Variants in FYB2 observed in about 807,000 individuals in gnomAD.
The protein encoded by FYB2 is FYN-binding protein 2.
A neutral mutation model predicts 94.1 loss-of-function variants in FYB2; 103 were observed. The ratio of observed to expected loss-of-function variants is 1.09; its 90% confidence interval spans 0.93 to 1.29. The LOEUF (loss-of-function observed/expected upper bound fraction) is 1.29, where lower values mean the gene tolerates loss of function less well. FYB2 is among the 50% of genes most tolerant of loss of function. FYB2 has a pLI of 0.00. For synonymous variants in FYB2, 293 were observed against 287.9 expected (o/e 1.02, Z -0.18); for missense variants, 896 against 841.5 (o/e 1.06, Z -0.80).
At chr1:56,822,509 C>A (rs1191385208), upstream of FYB2, among the ~76,000 whole-genome samples, 1 of 152,212 alleles carries the variant, frequency 6.6e-6, no homozygotes, top group Admixed American at 6.5e-5. Flanking sequence ...TGCTCCTCTG[C>A]GTAGCAGGGA....
intron 4 of FYB2, among the ~76,000 whole-genome samples, chr1:56,768,425 C>T (rs372120421): frequency 1.3e-5 from 2 of 152,174 alleles, no homozygotes; most frequent in Non-Finnish European, 2.9e-5. Context: ...GAGTACTAAA[C>T]GTATCCGTCC....
intron 4 of FYB2, among the ~76,000 whole-genome samples, chr1:56,772,367 T>G (rs1205107967): frequency 6.6e-6 from 1 of 152,162 alleles, no homozygotes; most frequent in African/African-American, 2.4e-5. Flanking sequence ...GTGCTGGGAT[T>G]ATTGTTAAGA....
chr1:56,792,649 A>G lies in FYB2; in HGVS notation c.164T>C (p.Leu55Pro). 6.2e-7 allele frequency: 1 copy of G among 1,614,022 alleles called. No homozygotes were observed. Among genetic ancestry groups the G allele is most frequent in the South Asian group, 1.1e-5 (1 of 91,074 alleles). ...STQILANGKP[L>P]SSNHKQRTPY... ...TGTGCGCTGCTTGTGGTTGGATGAG[A>G]GGGGTTTCCCATTGGCCAAAATTTG... Residue 55 changes from leucine to proline, a missense_variant, in exon 2 of 20, where the codon CTC becomes CCC. By Grantham distance (98) the Leu-to-Pro change is moderately conservative. Coordinates refer to ENST00000343433, the MANE Select transcript of FYB2 (RefSeq NM_001004303.5).
rs1482534162 is a variant in FYB2 at position 56,720,166 on chromosome 1, A to T, written c.2131+7T>A. 1 of 1,601,418 alleles carries T rather than the reference A, an allele frequency of 6.2e-7. No individual in the cohort carries two copies. Among genetic ancestry groups the T allele is most frequent in the African/African-American group, 1.3e-5 (1 of 74,276 alleles). ...AAATATTATGAAAGATAAGCAAATA[A>T]ACTTACATTTGCCTTTAGAATTACG... On this transcript the variant is annotated splice_region_variant and intron_variant, in intron 18 of 19. Transcript: ENST00000343433.
chr1:56,787,526 T>C (rs1250003963), intron 3 of FYB2, among the ~76,000 whole-genome samples: 1 of 152,228 alleles, frequency 6.6e-6, no homozygotes, highest in Non-Finnish European at 1.5e-5. Context: ...GGTACAGAGA[T>C]TATAGCTGCT....
chr1:56,724,653 A>G (rs550538704), intron 16 of FYB2, among the ~76,000 whole-genome samples: 2 of 152,030 alleles, frequency 1.3e-5, no homozygotes, highest in Non-Finnish European at 2.9e-5. Flanking sequence ...TCTATTGCCA[A>G]TAGGATAAAG....
chr1:56,821,628 T>A (rs1334113707), upstream of FYB2, among the ~76,000 whole-genome samples: 1 of 152,226 alleles, frequency 6.6e-6, no homozygotes, highest in African/African-American at 2.4e-5. Context: ...TAAACACCAG[T>A]AATGTCAGTT....
chr1:56,813,463 C>T (rs1342959403), intron 1 of FYB2, among the ~76,000 whole-genome samples: 3 of 152,150 alleles, frequency 2.0e-5, no homozygotes, highest in African/African-American at 4.8e-5. Flanking sequence ...GAAAAACCCA[C>T]CCCCATGATT....
At chr1:56,773,218 C>T (rs1645800933) in intron 4 of FYB2, among the ~76,000 whole-genome samples, 2 of 152,150 alleles carry the variant, frequency 1.3e-5, no homozygotes, top group Admixed American at 6.5e-5. Context: ...ATGGTTGTTT[C>T]CATTTGCCAT....
intron 1 of FYB2, among the ~76,000 whole-genome samples, chr1:56,804,089 G>A (rs1175641054): frequency 6.6e-6 from 1 of 152,164 alleles, no homozygotes; most frequent in Non-Finnish European, 1.5e-5. Flanking sequence ...CCAAGGAACG[G>A]ATTTGAAAAC....
At chr1:56,753,580 A>G (rs191152352) in intron 8 of FYB2, among the ~76,000 whole-genome samples, 1 of 152,248 alleles carries the variant, frequency 6.6e-6, no homozygotes, top group East Asian at 1.9e-4. Flanking sequence ...GTACTGCCTT[A>G]TAGTTTGCAC....
At chr1:56,823,787 C>G (rs1322544530), upstream of FYB2, 2 of 152,180 alleles carry the variant, frequency 1.3e-5, no homozygotes, top group Non-Finnish European at 2.9e-5. Context: ...AAGAAATGGT[C>G]TTCCCCCACT....
intron 1 of FYB2, among the ~76,000 whole-genome samples, chr1:56,798,373 C>G (rs1646447953): frequency 6.6e-6 from 1 of 152,132 alleles, no homozygotes; most frequent in South Asian, 2.1e-4. Flanking sequence ...ATTGTGGGAA[C>G]AACCTAAGAT....
intron 6 of FYB2, among the ~76,000 whole-genome samples, chr1:56,757,692 T>C (rs1347644957): frequency 5.4e-5 from 3 of 55,760 alleles, no homozygotes; most frequent in Non-Finnish European, 1.1e-4. Flanking sequence ...CCTTCCTTCT[T>C]TCTTTCTTTC....
At chr1:56,790,642 G>A (rs1646239303) in intron 2 of FYB2, among the ~76,000 whole-genome samples, 2 of 152,156 alleles carry the variant, frequency 1.3e-5, no homozygotes, top group Admixed American at 6.5e-5. Context: ...TGGGGATAGA[G>A]TTGAGAACAA....
At chr1:56,794,363 C>T (rs977006973) in intron 1 of FYB2, among the ~76,000 whole-genome samples, 5 of 152,132 alleles carry the variant, frequency 3.3e-5, no homozygotes, top group East Asian at 1.9e-4. Flanking sequence ...CTTTTGCTTT[C>T]GCAGGAAGTA....
At chr1:56,741,228 T>C (rs545762724) in intron 12 of FYB2, among the ~76,000 whole-genome samples, 1 of 152,220 alleles carries the variant, frequency 6.6e-6, no homozygotes, top group Admixed American at 6.5e-5. Flanking sequence ...AGATGTGATA[T>C]GAAGTTGCAC....
intron 11 of FYB2, among the ~76,000 whole-genome samples, chr1:56,743,200 C>G (rs1305126382): frequency 6.6e-6 from 1 of 152,024 alleles, no homozygotes; most frequent in Admixed American, 6.6e-5. Context: ...TTGACCAATA[C>G]CTCCCCATTA....
chr1:56,721,906 C>A (rs1644492087), intron 17 of FYB2, among the ~76,000 whole-genome samples: 1 of 151,932 alleles, frequency 6.6e-6, no homozygotes, highest in Non-Finnish European at 1.5e-5. Context: ...TCTTTGTACC[C>A]CCAGTGCCTG....
Sources: allele counts gnomAD v4.1 joint callset (sites outside exome capture counted in the v4.1 genomes callset), GRCh38; gene constraint gnomAD v4.1.1; transcripts MANE v1.5; gene names NCBI Gene and HGNC (gene_info 2026-07-23, HGNC 2026-07-21).